The following CACNA2D3 variants were observed in gnomAD, a reference collection of about 807,000 sequenced individuals.
CACNA2D3 encodes voltage-dependent calcium channel subunit alpha-2/delta-3.
In CACNA2D3, 60 loss-of-function variants were observed where a neutral mutation model predicts 160.6. The ratio of observed to expected loss-of-function variants is 0.37; its 90% CI spans 0.30 to 0.46. CACNA2D3 has a LOEUF of 0.46. Among genes scored for constraint, CACNA2D3 ranks in the 20% least tolerant of loss-of-function variants. The pLI, the probability that CACNA2D3 is intolerant of heterozygous loss-of-function variation, is 1.00. For missense variants in CACNA2D3, 1,205 were observed against 1,365.0 expected (o/e 0.88, Z 1.85); for synonymous variants, 558 against 492.9 (o/e 1.13, Z -1.75).
intron 3 of CACNA2D3, among the ~76,000 whole-genome samples, chr3:54,331,086 A>G (rs187243522): frequency 3.0e-4 from 46 of 152,306 alleles, no homozygotes; most frequent in Non-Finnish European, 5.6e-4. Flanking sequence ...GGAAATAAAA[A>G]ATAATTAATC....
chr3:54,357,482 C>G (rs571739041), intron 3 of CACNA2D3, among the ~76,000 whole-genome samples: 10 of 152,248 alleles, frequency 6.6e-5, no homozygotes, highest in Admixed American at 6.5e-5. Flanking sequence ...GAATGCAAAA[C>G]GGTAACAGCC....
At chr3:54,124,026 C>G (rs1699535828) in intron 2 of CACNA2D3, among the ~76,000 whole-genome samples, 1 of 152,166 alleles carries the variant, frequency 6.6e-6, no homozygotes, top group South Asian at 2.1e-4. Flanking sequence ...AGACGCTGCA[C>G]TATTGTTTGT....
chr3:54,461,444 C>T (rs1316707376), intron 4 of CACNA2D3, among the ~76,000 whole-genome samples: 2 of 151,394 alleles, frequency 1.3e-5, no homozygotes, highest in Admixed American at 6.6e-5. Context: ...ATTATTGCCA[C>T]AATTTCAGCT....
intron 9 of CACNA2D3, among the ~76,000 whole-genome samples, chr3:54,604,286 C>T (rs772235912): frequency 4.1e-4 from 62 of 152,122 alleles, no homozygotes; most frequent in Admixed American, 7.9e-4. Flanking sequence ...AGTCCCTTCT[C>T]CCATGGAGAT....
intron 27 of CACNA2D3, among the ~76,000 whole-genome samples, chr3:54,921,333 C>G (rs1432758185): frequency 6.6e-6 from 1 of 152,110 alleles, no homozygotes; most frequent in Non-Finnish European, 1.5e-5. Context: ...AATTCACTTC[C>G]CAAGATTGCT....
intron 35 of CACNA2D3, among the ~76,000 whole-genome samples, chr3:55,059,292 A>G (rs1469559271): frequency 1.3e-5 from 2 of 152,250 alleles, no homozygotes; most frequent in African/African-American, 4.8e-5. Context: ...AGGTAATGTT[A>G]AATTCTCCCT....
chr3:54,732,261 GTTT>G (rs1218695598), intron 11 of CACNA2D3, among the ~76,000 whole-genome samples: 1 of 152,264 alleles, frequency 6.6e-6, no homozygotes, highest in Non-Finnish European at 1.5e-5. Flanking sequence ...AAGAGAACAT[GTTT>G]TTGTAATTAG....
chr3:54,439,573 G>A (rs1700111762), intron 4 of CACNA2D3, among the ~76,000 whole-genome samples: 1 of 152,142 alleles, frequency 6.6e-6, no homozygotes, highest in African/African-American at 2.4e-5. Context: ...GGCAGTCCAT[G>A]GGCTGGAGGG....
intron 2 of CACNA2D3, among the ~76,000 whole-genome samples, chr3:54,229,767 G>T (rs1701737365): frequency 6.6e-6 from 1 of 152,106 alleles, no homozygotes; most frequent in Non-Finnish European, 1.5e-5. Flanking sequence ...TAGAGTATCT[G>T]TCGTCTTGGC....
rs765302433 is a variant in CACNA2D3, at chr3:54,854,407, G to C, written c.1626+7940G>C. ...ACAACTCAAGTCAGTGGGTGCCTGGGTTTCTGTTGGGTGGGAGCTACGCCC... is the reference window on the plus strand; with the variant it reads ...ACAACTCAAGTCAGTGGGTGCCTGGCTTTCTGTTGGGTGGGAGCTACGCCC... On this transcript the variant is annotated intron_variant, in intron 17 of 37. Coordinates refer to ENST00000474759, the MANE Select transcript of CACNA2D3 (RefSeq NM_018398.3). Among the ~76,000 whole-genome samples, 3 of 152,194 alleles carry C rather than the reference G, an allele frequency of 2.0e-5. No individual in the cohort carries two copies. The South Asian group carries it at 6.2e-4, about 31-fold the overall frequency.
intron 5 of CACNA2D3, among the ~76,000 whole-genome samples, chr3:54,526,526 T>C (rs1701725567): frequency 6.6e-6 from 1 of 152,198 alleles, no homozygotes. Context: ...ATTATCTTAG[T>C]GAAGTCTATT....
intron 2 of CACNA2D3, among the ~76,000 whole-genome samples, chr3:54,310,244 TAAG>T (rs769146120): frequency 6.6e-5 from 10 of 152,180 alleles, no homozygotes; most frequent in Non-Finnish European, 1.0e-4. Flanking sequence ...TTGTGATGGT[TAAG>T]AAGAAGTGGT....
At chr3:54,699,332 C>T (rs749832902) in intron 11 of CACNA2D3, among the ~76,000 whole-genome samples, 3 of 152,176 alleles carry the variant, frequency 2.0e-5, no homozygotes, top group Non-Finnish European at 4.4e-5. Context: ...GGAGGCTCAT[C>T]TCTCCAGTCC....
intron 11 of CACNA2D3, among the ~76,000 whole-genome samples, chr3:54,701,903 A>G (rs1317613209): frequency 6.6e-6 from 1 of 152,202 alleles, no homozygotes; most frequent in Non-Finnish European, 1.5e-5. Context: ...TACTGGTACA[A>G]AAGCAGACAC....
At chr3:54,728,699 C>T (rs1701323946) in intron 11 of CACNA2D3, among the ~76,000 whole-genome samples, 1 of 152,146 alleles carries the variant, frequency 6.6e-6, no homozygotes, top group Admixed American at 6.5e-5. Context: ...AAATAGAATA[C>T]AGGCAAAGTA....
chr3:54,296,231 A>AT (rs1216981280), intron 2 of CACNA2D3, among the ~76,000 whole-genome samples: 12 of 152,210 alleles, frequency 7.9e-5, no homozygotes, highest in Non-Finnish European at 1.5e-4. Context: ...AGGTCAGTAG[A>AT]TTCCAGTGAA....
intron 2 of CACNA2D3, among the ~76,000 whole-genome samples, chr3:54,277,607 A>G (rs1702776262): frequency 1.3e-5 from 2 of 152,130 alleles, no homozygotes; most frequent in South Asian, 4.1e-4. Context: ...CCTTGGCTCT[A>G]CGGGCTTTTT....
At chr3:54,410,584 G>T (rs1433338345) in intron 4 of CACNA2D3, among the ~76,000 whole-genome samples, 4 of 152,122 alleles carry the variant, frequency 2.6e-5, no homozygotes, top group African/African-American at 4.8e-5. Context: ...TCTGTTTGCC[G>T]CATGGTTTAC....
chr3:54,296,892 A>G (rs1575378482), intron 2 of CACNA2D3, among the ~76,000 whole-genome samples: 1 of 152,218 alleles, frequency 6.6e-6, no homozygotes, highest in Non-Finnish European at 1.5e-5. Flanking sequence ...CTGATGTTCA[A>G]GCTGAGTTTG....
Sources: allele counts gnomAD v4.1 joint callset (sites outside exome capture counted in the v4.1 genomes callset), GRCh38; gene constraint gnomAD v4.1.1; transcripts MANE v1.5; gene names NCBI Gene and HGNC (gene_info 2026-07-23, HGNC 2026-07-21).